CIITA: variants seen among roughly 807,000 people sequenced by gnomAD.
The protein encoded by CIITA is MHC class II transactivator.
Under a neutral mutation model 115.1 loss-of-function variants are expected in CIITA, and 72 were observed. That is an observed-to-expected ratio of 0.63 (90% CI 0.52 to 0.76). The LOEUF (loss-of-function observed/expected upper bound fraction) is 0.76, where lower values mean the gene tolerates loss of function less well. Among genes scored for constraint, CIITA ranks in the 30% least tolerant of loss-of-function variants. The pLI is 0.00. For missense variants in CIITA, 1,617 were observed against 1,463.8 expected (o/e 1.10, Z -1.71); for synonymous variants, 763 against 635.6 (o/e 1.20, Z -3.02).
downstream of CIITA, chr16:10,937,529 T>A (rs1472561745): frequency 1.3e-5 from 2 of 152,224 alleles, no homozygotes; most frequent in African/African-American, 4.8e-5. The surrounding 1 kb of genome is among the most constrained non-coding windows in gnomAD (Gnocchi z 4.2). Context: ...AATGCATCGA[T>A]AACCCTCAGC....
At chr16:10,869,522 C>CT (rs113683242) in intron 1 of CIITA, among the ~76,000 whole-genome samples, 92,763 of 146,130 alleles carry the variant, frequency 0.63, 29,969 homozygotes, top group Admixed American at 0.73. Context: ...TTTTTCCCCA[C>CT]TTTTTTTTTT....
rs1198364327 is a variant in CIITA, at chr16:10,907,946, G to A, written c.2454G>A (p.Glu818=). 1.9e-6 allele frequency: 3 copies of A among 1,564,696 alleles called. No individual in the cohort carries two copies. The highest frequency in any genetic ancestry group is 1.4e-5 in the African/African-American group (1 of 73,340). ...TGCACTGCGCCCACGAGGCCGAGGAGGCTGGAATTTGGCAGCACGTGGTAC... is the reference window on the plus strand; with the variant it reads ...TGCACTGCGCCCACGAGGCCGAGGAAGCTGGAATTTGGCAGCACGTGGTAC... ...ELLHCAHEAE[E]AGIWQHVVQE... Residue 818 remains glutamate, a synonymous_variant, in exon 11 of 20, where the codon GAG becomes GAA. Transcript: ENST00000324288. This position sits in a 1 kb window ranked among gnomAD's most constrained non-coding sequence, Gnocchi z 5.0.
rs765628516 is a variant in CIITA at position 10,907,822 on chromosome 16, C to T, written c.2330C>T (p.Ser777Leu). The change falls in exon 11 of 20, where the codon TCG (serine) becomes TTG (leucine). Residue 777 changes from serine (S) to leucine (L), a missense_variant. Transcript: ENST00000324288. This position sits in a 1 kb window ranked among gnomAD's most constrained non-coding sequence, Gnocchi z 5.0. ...TGCCTGGGAGCCCTACTCGGGCCAT[C>T]GGCGGCTGCCTCGGTGGACAGGAAG... Reference protein sequence around the residue: ...ARCLGALLGPSAAASVDRKQK... With the variant: ...ARCLGALLGPLAAASVDRKQK... 6 of 1,613,868 alleles carry T rather than the reference C, an allele frequency of 3.7e-6. No individual in the cohort carries two copies. In the East Asian group the frequency reaches 6.7e-5, roughly 18 times the overall value.
intron 1 of CIITA, among the ~76,000 whole-genome samples, chr16:10,894,402 A>T (rs2037914304): frequency 6.6e-6 from 1 of 152,070 alleles, no homozygotes; most frequent in African/African-American, 2.4e-5. Context: ...GGCTATTTTG[A>T]ATTATCCTTC....
chr16:10,894,313 A>G (rs190901405), intron 1 of CIITA, among the ~76,000 whole-genome samples: 225 of 152,308 alleles, frequency 1.5e-3, no homozygotes, highest in African/African-American at 4.8e-3. Context: ...TTAATGGTGG[A>G]ATACTTTATT....
rs2041121317 is a variant in CIITA at position 10,942,600 on chromosome 16, G to T, written n.1726G>T. 6.6e-6 allele frequency: 1 copy of T among 151,302 alleles called. No individual in the cohort carries two copies. The highest frequency in any genetic ancestry group is 1.5e-5 in the Non-Finnish European group (1 of 68,078). The allele number at this position is 151,302 out of a possible 1,614,324, so 9.4% of individuals were successfully genotyped here. A position where few individuals can be genotyped will look rare whatever the true frequency, so the allele number is the denominator to read the frequency against. On this transcript the variant is annotated non_coding_transcript_exon_variant, in exon 2 of 2. Coordinates refer to the CIITA transcript ENST00000573379. The surrounding 1 kb of genome is among the most constrained non-coding windows in gnomAD (Gnocchi z 5.0). ...CGGGTACCGCTTCGCTCCGCCCCTC[G>T]GGGCCCTAGCGTCTGAGTTGCTTTC...
Position 10,918,821 on chromosome 16 carries a change from C to T in CIITA, c.3149+295C>T, listed in dbSNP as rs562982514. On this transcript the variant is annotated intron_variant, in intron 16 of 19. Transcript: ENST00000324288. ...ATTGCTCCTTTTCCCCCAGGGATGG[C>T]GGGACCAGGCTTTTTCCGGAACCTA... Among the ~76,000 whole-genome samples, 7 of 152,290 alleles carry T rather than the reference C, an allele frequency of 4.6e-5. No homozygotes were observed. In the South Asian group the frequency reaches 8.3e-4, roughly 18 times the overall value.
In CIITA at chr16:10,906,631, G is replaced by A. The variant is rs371128355; in HGVS notation, c.1139G>A (p.Arg380Gln). ...LERSSSKSLE[R>Q]ELATPDWAER... ...AGGAGCAGCAGCAAGAGCCTGGAGC[G>A]GGAACTGGCCACCCCGGACTGGGCA... is the stretch of plus-strand genomic sequence containing the variant. Residue 380 changes from arginine (R) to glutamine (Q), a missense_variant, in exon 11 of 20, where the codon CGG becomes CAG. By Grantham distance (43) the Arg-to-Gln change is conservative. Transcript: ENST00000324288. The A allele has an allele frequency of 2.7e-5, 43 of 1,613,790 alleles. No individual in the cohort carries two copies. The highest frequency in any genetic ancestry group is 4.5e-5 in the East Asian group (2 of 44,900).
At chr16:10,881,431 A>G (rs1310504428) in intron 1 of CIITA, among the ~76,000 whole-genome samples, 1 of 152,240 alleles carries the variant, frequency 6.6e-6, no homozygotes, top group Non-Finnish European at 1.5e-5. Flanking sequence ...CATAGGAAGG[A>G]CATAGATAGT....
downstream of CIITA, chr16:10,940,301 C>T (rs1241692193): frequency 1.3e-5 from 2 of 152,210 alleles, no homozygotes; most frequent in Non-Finnish European, 2.9e-5. This position sits in a 1 kb window ranked among gnomAD's most constrained non-coding sequence, Gnocchi z 4.2. Flanking sequence ...GATTAATGCC[C>T]TTATAAGAAC....
intron 16 of CIITA, among the ~76,000 whole-genome samples, chr16:10,919,552 A>G (rs1421107010): frequency 6.8e-6 from 1 of 147,796 alleles, no homozygotes; most frequent in African/African-American, 2.5e-5. Context: ...GGTCTCACCC[A>G]GGTTGTAGTG....
chr16:10,893,121 T>C (rs1414085945), intron 1 of CIITA, among the ~76,000 whole-genome samples: 1 of 152,064 alleles, frequency 6.6e-6, no homozygotes, highest in Non-Finnish European at 1.5e-5. Context: ...GGATCACCAG[T>C]AGTTCCCAGC....
Position 10,927,937 on chromosome 16 carries a change from G to C in CIITA, c.*4082G>C, listed in dbSNP as rs2040600968. 1 of 152,208 alleles carries C rather than the reference G, an allele frequency of 6.6e-6. No homozygotes were observed. The highest frequency in any genetic ancestry group is 1.9e-4 in the East Asian group (1 of 5,198). 9.4% of individuals were successfully genotyped at this position (152,208 alleles called of 1,614,324 possible). A position where few individuals can be genotyped will look rare whatever the true frequency, so the allele number is the denominator to read the frequency against. The stretch of plus-strand genomic sequence containing the variant: ...GCATGATAGTGCAATTCCATGTCCA[G>C]TGGATTGTAAGTCCACGCACCTTCC... On this transcript the variant is annotated 3_prime_UTR_variant, in exon 20 of 20. Transcript: ENST00000324288.
chr16:10,895,863 C>T, intron 3 of CIITA, 99 bp downstream of exon 3: 1 of 1,148,654 alleles, frequency 8.7e-7, no homozygotes, highest in Non-Finnish European at 1.3e-6. Flanking sequence ...ACGTCAGTCC[C>T]CTCCCACAGA....
At chr16:10,881,398 G>A (rs1372603785) in intron 1 of CIITA, among the ~76,000 whole-genome samples, 2 of 152,130 alleles carry the variant, frequency 1.3e-5, no homozygotes, top group African/African-American at 4.8e-5. Flanking sequence ...GTTCAGAAAG[G>A]GGCATTAGTT....
rs1319424376 is a variant in CIITA, at chr16:10,903,714, C to T, written c.773-17C>T. On this transcript the variant is annotated splice_polypyrimidine_tract_variant and intron_variant, in intron 8 of 19. Transcript: ENST00000324288. ...AATACCTGGTTATTCTCACACCACT[C>T]TCCACCCCCAATGTAGGTGAGGTGC... 3.7e-6 allele frequency: 6 copies of T among 1,613,938 alleles called. No individual in the cohort carries two copies. The highest frequency in any genetic ancestry group is 5.1e-6 in the Non-Finnish European group (6 of 1,179,964).
chr16:10,899,097 G>T lies in CIITA; in HGVS notation c.436+95G>T, dbSNP rs187069627. ...GCTGTGGGTCCAACTTGCTTCCCTC[G>T]CTAAGTCCTGTCTGGTTGGGAGGCC... On this transcript the variant is annotated intron_variant, in intron 5 of 19. Coordinates refer to ENST00000324288, the MANE Select transcript of CIITA (RefSeq NM_000246.4). 80 of 1,191,806 alleles carry T rather than the reference G, an allele frequency of 6.7e-5. No homozygotes were observed. In the Middle Eastern group the frequency reaches 1.2e-3, roughly 18 times the overall value. 73.8% of individuals were successfully genotyped at this position (1,191,806 alleles called of 1,614,324 possible). A position where few individuals can be genotyped will look rare whatever the true frequency, so the allele number is the denominator to read the frequency against.
Position 10,908,129 on chromosome 16 carries a change from C to G in CIITA, c.2637C>G (p.Leu879=), listed in dbSNP as rs764244931. The change falls in exon 11 of 20, where the codon CTC becomes CTG. Residue 879 remains leucine, a synonymous_variant. Transcript: ENST00000324288. ...CTGGATTGGGGAGCCTCGTGGGACT[C>G]AGCTGTGTCACCCGTTTCAGGTGGG... is the stretch of plus-strand genomic sequence containing the variant. ...CPSGLGSLVG[L]SCVTRFRAAL... The G allele has an allele frequency of 9.5e-6, 15 of 1,574,876 alleles. No individual in the cohort carries two copies. In the East Asian group the frequency reaches 3.5e-4, roughly 37 times the overall value.
Position 10,870,040 on chromosome 16 carries a change from A to G in CIITA, c.-21+3721A>G, listed in dbSNP as rs2035370235. On this transcript the variant is annotated intron_variant, in intron 1 of 5. Transcript: ENST00000636238. The stretch of plus-strand genomic sequence containing the variant: ...AGATGGATGAATGGATAGTTCATGT[A>G]ATGCCATTATTCCTACTTTACCAAT... Among the ~76,000 whole-genome samples the G allele has an allele frequency of 2.0e-5, 3 of 151,372 alleles. No homozygotes were observed. The South Asian group carries it at 6.3e-4, about 32-fold the overall frequency.
Sources: gnomAD v4.1 joint callset for allele counts (sites outside exome capture counted in the v4.1 genomes callset) on GRCh38, gnomAD v4.1.1 for gene constraint, Gnocchi (gnomAD v3.1) non-coding constraint, MANE v1.5 for transcripts, NCBI Gene and HGNC (gene_info 2026-07-23, HGNC 2026-07-21) for gene names.